Variants in GPBP1 observed in about 807,000 individuals in gnomAD.
GPBP1 encodes GC-rich promoter binding protein 1.
A neutral mutation model predicts 56.5 loss-of-function variants in GPBP1; 13 were observed. The observed-to-expected ratio is 0.23, with a 90% confidence interval of 0.15 to 0.37. The LOEUF (loss-of-function observed/expected upper bound fraction) is 0.37, where lower values mean the gene tolerates loss of function less well. Among genes scored for constraint, GPBP1 ranks in the 10% least tolerant of loss-of-function variants. GPBP1 has a pLI of 1.00. For synonymous variants in GPBP1, 204 were observed against 188.9 expected (o/e 1.08, Z -0.66); for missense variants, 477 against 572.3 (o/e 0.83, Z 1.70).
chr5:57,250,922 C>CA (rs1554075740), intron 9 of GPBP1, 32 bp from the exon 10 acceptor site: 3 of 1,172,704 alleles, frequency 2.6e-6, no homozygotes, highest in Non-Finnish European at 3.6e-6. Context: ...AGAACTCATT[C>CA]TTTTTTTTTT....
At chr5:57,229,887 C>T (rs775251592) in intron 3 of GPBP1, among the ~76,000 whole-genome samples, 7 of 151,526 alleles carry the variant, frequency 4.6e-5, no homozygotes, top group Non-Finnish European at 8.8e-5. Flanking sequence ...TTTTAGATTA[C>T]TGAGACGACT....
rs1561348233 is a variant in GPBP1, at chr5:57,219,398, A to ACC, written c.63+5205_63+5206insCC. Among the ~76,000 whole-genome samples, 24 of 69,762 alleles carry ACC rather than the reference A, an allele frequency of 3.4e-4. 1 individual carries two copies. Among genetic ancestry groups the ACC allele is most frequent in the African/African-American group, 1.0e-3 (9 of 8,710 alleles). 45.8% of individuals were successfully genotyped at this position (69,762 alleles called of 152,430 possible). A position where few individuals can be genotyped will look rare whatever the true frequency, so the allele number is the denominator to read the frequency against. The stretch of plus-strand genomic sequence containing the variant: ...CTCAAAAAAAAAAAAAAAAAAAAAA[A>ACC]AAAAACCAAAAACAAACAAACAAAA... On this transcript the variant is annotated intron_variant, in intron 3 of 11. Coordinates refer to ENST00000506184, the MANE Select transcript of GPBP1 (RefSeq NM_022913.4).
At chr5:57,220,762 A>G (rs1203009478) in intron 3 of GPBP1, among the ~76,000 whole-genome samples, 1 of 151,994 alleles carries the variant, frequency 6.6e-6, no homozygotes, top group African/African-American at 2.4e-5. Flanking sequence ...ACCCCGCCCA[A>G]TTTGAACTCT....
At position 57,174,365 on chromosome 5, in the gene GPBP1, G is replaced by C. The variant is rs543204646; in HGVS notation, c.-1011+154G>C. Among the ~76,000 whole-genome samples the C allele has an allele frequency of 2.3e-4, 35 of 152,216 alleles. No homozygotes were observed. The East Asian group carries it at 2.7e-3, about 12-fold the overall frequency. On this transcript the variant is annotated intron_variant, in intron 1 of 11. Coordinates refer to ENST00000506184, the MANE Select transcript of GPBP1 (RefSeq NM_022913.4). ...GGCGGCGAGAAGCAAGGAGTGAGAG[G>C]GGGGAGAGGCGCAGATAGGCCCCTC...
At position 57,188,966 on chromosome 5, in the gene GPBP1, TTGTACAAGCCTCTTTCTGTCTGTC is replaced by T. The variant is rs1177781970; in HGVS notation, c.-58+12570_-58+12593del. 3.3e-5 allele frequency among the ~76,000 whole-genome samples: 5 copies of T among 152,202 alleles called. No individual in the cohort carries two copies. In the East Asian group the frequency reaches 7.7e-4, roughly 24 times the overall value. On this transcript the variant is annotated intron_variant, in intron 2 of 11. Coordinates refer to ENST00000506184, the MANE Select transcript of GPBP1 (RefSeq NM_022913.4). ...CATTAATATCCCACTGCTACTAGAC[TTGTACAAGCCTCTTTCTGTCTGTC>T]TGTCTGTCTGTCTTTCTTTGCGACG... is the stretch of plus-strand genomic sequence containing the variant.
chr5:57,216,294 G>A (rs1755695503), intron 3 of GPBP1, among the ~76,000 whole-genome samples: 1 of 152,222 alleles, frequency 6.6e-6, no homozygotes, highest in South Asian at 2.1e-4. Context: ...TGAGAGAGGG[G>A]AAGAAACCTG....
intron 2 of GPBP1, among the ~76,000 whole-genome samples, chr5:57,193,252 G>A (rs903865457): frequency 4.6e-5 from 7 of 152,114 alleles, no homozygotes; most frequent in African/African-American, 1.7e-4. Context: ...GGAGGCCGAG[G>A]TTGCAGTGAG....
chr5:57,186,230 C>G (rs1458205458), intron 2 of GPBP1, among the ~76,000 whole-genome samples: 1 of 151,818 alleles, frequency 6.6e-6, no homozygotes, highest in Non-Finnish European at 1.5e-5. Context: ...GACGCCTATT[C>G]TCCAAAAAAT....
At chr5:57,225,835 G>A (rs928209167) in intron 3 of GPBP1, among the ~76,000 whole-genome samples, 1 of 152,214 alleles carries the variant, frequency 6.6e-6, no homozygotes, top group African/African-American at 2.4e-5. Flanking sequence ...GACATGGGCA[G>A]TCAGCTATCC....
chr5:57,231,437 C>T, intron 5 of GPBP1, 116 bp downstream of exon 5: 1 of 798,338 alleles, frequency 1.3e-6, no homozygotes, highest in East Asian at 2.7e-5. Flanking sequence ...CCAGGCCCGC[C>T]TAATTTTTAT....
chr5:57,193,016 G>C (rs1252907196), intron 2 of GPBP1, among the ~76,000 whole-genome samples: 1 of 151,322 alleles, frequency 6.6e-6, no homozygotes, highest in African/African-American at 2.4e-5. Context: ...TAAATGAGAT[G>C]AATGTTAAAG....
intron 2 of GPBP1, among the ~76,000 whole-genome samples, chr5:57,198,147 C>T (rs1451530780): frequency 1.3e-5 from 2 of 152,168 alleles, no homozygotes; most frequent in East Asian, 1.9e-4. Context: ...CCACTCTGCC[C>T]TCCTTTGTAT....
At chr5:57,212,311 G>A (rs1003001897) in intron 2 of GPBP1, among the ~76,000 whole-genome samples, 8 of 152,194 alleles carry the variant, frequency 5.3e-5, no homozygotes, top group African/African-American at 9.6e-5. Context: ...CTAAAGCACC[G>A]TTTAGTATTT....
rs781395461 is a variant in GPBP1 at position 57,262,694 on chromosome 5, C to T, written c.1364C>T (p.Thr455Ile). Reference sequence around the variant, plus strand: ...AAGAACAGCACTTTCAAACCCACAACTGAGAATGATGACACAGAGACAAGT... The same window carrying T: ...AAGAACAGCACTTTCAAACCCACAATTGAGAATGATGACACAGAGACAAGT... Reference protein sequence around the residue: ...PWKNSTFKPTTENDDTETSSS... With the variant: ...PWKNSTFKPTIENDDTETSSS... Residue 455 changes from threonine (T) to isoleucine (I), a missense_variant, in exon 12 of 12, where the codon ACT becomes ATT. Thr to Ile is a moderately conservative substitution (Grantham distance 89, BLOSUM62 -1). Around this residue, in one of 2 missense-constraint regions of GPBP1, gnomAD observed 63 missense variants for 114.0 expected, o/e 0.55. Transcript: ENST00000506184. The T allele has an allele frequency of 6.2e-7, 1 of 1,613,734 alleles. No individual in the cohort carries two copies. The highest frequency in any genetic ancestry group is 8.5e-7 in the Non-Finnish European group (1 of 1,179,746).
intron 3 of GPBP1, among the ~76,000 whole-genome samples, chr5:57,225,769 C>A (rs1295923643): frequency 6.6e-6 from 1 of 152,158 alleles, no homozygotes; most frequent in Admixed American, 6.5e-5. Context: ...GACACTGACA[C>A]ACTGCTAGAT....
intron 5 of GPBP1, among the ~76,000 whole-genome samples, chr5:57,233,342 T>C: frequency 6.6e-6 from 1 of 152,160 alleles, no homozygotes; most frequent in East Asian, 1.9e-4. Context: ...TTACTCTGTA[T>C]TCTCATGTTA....
intron 2 of GPBP1, among the ~76,000 whole-genome samples, chr5:57,208,682 A>C (rs1297455345): frequency 7.5e-6 from 1 of 133,920 alleles, no homozygotes; most frequent in Non-Finnish European, 1.6e-5. Context: ...TTTGAGACAG[A>C]GTCTCACCCC....
intron 3 of GPBP1, among the ~76,000 whole-genome samples, chr5:57,216,845 A>C (rs952588662): frequency 6.8e-6 from 1 of 147,874 alleles, no homozygotes; most frequent in Non-Finnish European, 1.5e-5. Flanking sequence ...ATTTTTTCAA[A>C]GCCTTTTCAT....
chr5:57,184,486 T>C (rs1240177374), intron 2 of GPBP1, among the ~76,000 whole-genome samples: 2 of 151,396 alleles, frequency 1.3e-5, no homozygotes, highest in Non-Finnish European at 2.9e-5. Flanking sequence ...AAGAGTGAGG[T>C]GAGGGGGGAG....
Sources: allele counts gnomAD v4.1 joint callset (sites outside exome capture counted in the v4.1 genomes callset), GRCh38; gene constraint gnomAD v4.1.1; regional missense constraint gnomAD v4.1.1; transcripts MANE v1.5; gene names NCBI Gene and HGNC (gene_info 2026-07-23, HGNC 2026-07-21).